ZFP2: variants seen among roughly 807,000 people sequenced by gnomAD.
ZFP2 encodes ZFP2 zinc finger protein.
ZFP2 carries 33 observed loss-of-function variants against 36.1 expected under a neutral mutation model. That is an observed-to-expected ratio of 0.92 (90% CI 0.69 to 1.22). The LOEUF (loss-of-function observed/expected upper bound fraction) is 1.22, where lower values mean the gene tolerates loss of function less well. ZFP2 is among the 50% of genes most tolerant of loss of function. The pLI, the probability that ZFP2 is intolerant of heterozygous loss-of-function variation, is 0.00. For synonymous variants in ZFP2, 170 were observed against 178.0 expected, an observed-to-expected ratio of 0.96 and a Z score of 0.36; for missense variants, 522 against 551.4, an observed-to-expected ratio of 0.95 and a Z score of 0.53.
chr5:178,915,533 C>CA (rs1333185347), intron 3 of ZFP2, among the ~76,000 whole-genome samples: 2 of 151,826 alleles, frequency 1.3e-5, no homozygotes, highest in East Asian at 1.9e-4. Flanking sequence ...AGGCTGGTCT[C>CA]AAACTCCTGA....
chr5:178,908,849 G>T (rs888621506), intron 1 of ZFP2, among the ~76,000 whole-genome samples: 16 of 145,870 alleles, frequency 1.1e-4, no homozygotes, highest in African/African-American at 3.9e-4. Flanking sequence ...GAGAAAAGCT[G>T]AGTGTTGGGA....
chr5:178,918,242 A>G (rs374349848), intron 4 of ZFP2, among the ~76,000 whole-genome samples: 8 of 152,296 alleles, frequency 5.3e-5, no homozygotes, highest in Admixed American at 3.9e-4. Context: ...TGAATGAATG[A>G]TTTATCGTGT....
At chr5:178,916,897 C>T (rs994732971) in intron 4 of ZFP2, among the ~76,000 whole-genome samples, 187 bp downstream of exon 4, 1 of 152,176 alleles carries the variant, frequency 6.6e-6, no homozygotes, top group African/African-American at 2.4e-5. Flanking sequence ...CTAGAAACTT[C>T]TGTATCCTGG....
In ZFP2 at chr5:178,932,940, A is replaced by G; in HGVS notation, c.*241A>G. ...TAGCTAATATAAACAATGAAGAGTC[A>G]TGCTGAAGATAAGTTCTGTTATATC... On this transcript the variant is annotated 3_prime_UTR_variant, in exon 5 of 5. Transcript: ENST00000361362. The G allele has an allele frequency of 2.2e-6, 1 of 451,644 alleles. No individual in the cohort carries two copies. Among genetic ancestry groups the G allele is most frequent in the Non-Finnish European group, 3.9e-6 (1 of 253,644 alleles). 28.0% of individuals were successfully genotyped at this position (451,644 alleles called of 1,614,324 possible).
At chr5:178,896,593 C>T (rs1375768975) in intron 1 of ZFP2, among the ~76,000 whole-genome samples, 2 of 152,196 alleles carry the variant, frequency 1.3e-5, no homozygotes, top group African/African-American at 4.8e-5. Flanking sequence ...GTGCAGGTTT[C>T]GACCTCGGGG....
chr5:178,928,798 C>T (rs920392806), intron 4 of ZFP2, among the ~76,000 whole-genome samples: 11 of 152,222 alleles, frequency 7.2e-5, no homozygotes, highest in Non-Finnish European at 1.5e-4. Context: ...TTCTACATGG[C>T]GGCTCCAATG....
chr5:178,912,579 T>C lies in ZFP2; in HGVS notation c.-449-5T>C. 3.2e-6 allele frequency: 3 copies of C among 942,172 alleles called. No homozygotes were observed. The highest frequency in any genetic ancestry group is 3.8e-6 in the Non-Finnish European group (3 of 782,686). 58.4% of individuals were successfully genotyped at this position (942,172 alleles called of 1,614,324 possible). A position where few individuals can be genotyped will look rare whatever the true frequency, so the allele number is the denominator to read the frequency against. On this transcript the variant is annotated splice_polypyrimidine_tract_variant and splice_region_variant and intron_variant, in intron 1 of 4. Coordinates refer to ENST00000361362, the MANE Select transcript of ZFP2 (RefSeq NM_030613.4). The stretch of plus-strand genomic sequence containing the variant: ...TGGCATAATCCCTTATTGAGGAATT[T>C]TTAGTTTCAGGAGTCAGTGACCTTC...
intron 1 of ZFP2, among the ~76,000 whole-genome samples, chr5:178,898,060 G>A (rs2047356): frequency 0.2 from 30,877 of 151,866 alleles, 3,604 homozygotes; most frequent in Non-Finnish European, 0.25. Context: ...GTGTGATCTC[G>A]ACACTGCAAC....
At chr5:178,925,437 T>C (rs1310859232) in intron 4 of ZFP2, among the ~76,000 whole-genome samples, 1 of 149,492 alleles carries the variant, frequency 6.7e-6, no homozygotes, top group Non-Finnish European at 1.5e-5. Flanking sequence ...AGACTTGCTG[T>C]ATCAGCCCAT....
intron 1 of ZFP2, among the ~76,000 whole-genome samples, chr5:178,898,369 G>T (rs929569652): frequency 1.3e-5 from 2 of 152,128 alleles, no homozygotes; most frequent in Admixed American, 1.3e-4. Context: ...TGACATCCTG[G>T]TATATTGAGA....
chr5:178,900,878 AT>A (rs1268467203), intron 1 of ZFP2, among the ~76,000 whole-genome samples: 14 of 152,292 alleles, frequency 9.2e-5, no homozygotes, highest in African/African-American at 3.4e-4. Flanking sequence ...CACTGGTTTG[AT>A]TTCTGTCCCT....
intron 4 of ZFP2, among the ~76,000 whole-genome samples, chr5:178,926,540 G>A (rs1758673993): frequency 6.7e-6 from 1 of 148,422 alleles, no homozygotes; most frequent in Non-Finnish European, 1.5e-5. Flanking sequence ...TTTTTGAGAT[G>A]GAGTCTCGCT....
In ZFP2 at chr5:178,932,674, C is replaced by T. The variant is rs759030591; in HGVS notation, c.1361C>T (p.Thr454Ile). ...GKAFSRSTNL[T>I]RHQRTHT is the part of the protein sequence containing the mutation. ...GCCTTCAGCCGGAGTACAAACCTTA[C>T]ACGACATCAAAGAACTCATACGTGA... is the stretch of plus-strand genomic sequence containing the variant. Residue 454 changes from threonine (T) to isoleucine (I), a missense_variant, in exon 5 of 5, where the codon ACA (threonine) becomes ATA (isoleucine). Coordinates refer to ENST00000361362, the MANE Select transcript of ZFP2 (RefSeq NM_030613.4). 1.9e-6 allele frequency: 3 copies of T among 1,605,658 alleles called. No individual in the cohort carries two copies. Among genetic ancestry groups the T allele is most frequent in the South Asian group, 1.1e-5 (1 of 89,636 alleles).
At chr5:178,922,052 C>A in intron 4 of ZFP2, 2 of 820,774 alleles carry the variant, frequency 2.4e-6, no homozygotes, top group South Asian at 1.4e-5. Context: ...GCTAGCCACC[C>A]AAGAAAACAT....
At chr5:178,922,225 C>A in intron 4 of ZFP2, 1 of 1,074,662 alleles carries the variant, frequency 9.3e-7, no homozygotes, top group South Asian at 1.2e-5. Flanking sequence ...TAACTGCTGT[C>A]AGTCTAGTAC....
chr5:178,908,090 G>T (rs767392461), intron 1 of ZFP2, among the ~76,000 whole-genome samples: 1 of 152,084 alleles, frequency 6.6e-6, no homozygotes, highest in African/African-American at 2.4e-5. Flanking sequence ...GCTCTAAATC[G>T]CCTGGAAATT....
chr5:178,902,574 T>G (rs1319380680), intron 1 of ZFP2, among the ~76,000 whole-genome samples: 1 of 148,698 alleles, frequency 6.7e-6, no homozygotes, highest in Non-Finnish European at 1.5e-5. Flanking sequence ...ATCCTCAATG[T>G]GGGTTTGTTT....
At chr5:178,910,145 A>T in intron 1 of ZFP2, 1 of 1,452,262 alleles carries the variant, frequency 6.9e-7, no homozygotes. Context: ...AGATTCTGTC[A>T]CTGCTGTCTG....
At chr5:178,912,171 C>T (rs1758312124) in intron 1 of ZFP2, among the ~76,000 whole-genome samples, 1 of 152,076 alleles carries the variant, frequency 6.6e-6, no homozygotes, top group South Asian at 2.1e-4. Context: ...AAGAAAAGAA[C>T]GAGGGCTGGG....
Sources: allele counts gnomAD v4.1 joint callset (sites outside exome capture counted in the v4.1 genomes callset), GRCh38; gene constraint gnomAD v4.1.1; transcripts MANE v1.5; gene names NCBI Gene and HGNC (gene_info 2026-07-23, HGNC 2026-07-21).